TCF7L2: variants seen among roughly 807,000 people sequenced by gnomAD.
The protein encoded by TCF7L2 is transcription factor 7-like 2.
A neutral mutation model predicts 77.9 loss-of-function variants in TCF7L2; 23 were observed. That is an observed-to-expected ratio of 0.30 (90% CI 0.21 to 0.42). The LOEUF (loss-of-function observed/expected upper bound fraction) is 0.42, where lower values mean the gene tolerates loss of function less well. Ranked by LOEUF, TCF7L2 falls within the 10% of genes least tolerant of loss-of-function variation. TCF7L2 has a pLI of 1.00. For synonymous variants in TCF7L2, 413 were observed against 340.2 expected, an observed-to-expected ratio of 1.21 and a Z score of -2.36; for missense variants, 654 against 793.1, an observed-to-expected ratio of 0.82 and a Z score of 2.11.
At chr10:113,091,196 C>T (rs1214047057) in intron 5 of TCF7L2, among the ~76,000 whole-genome samples, 1 of 152,226 alleles carries the variant, frequency 6.6e-6, no homozygotes, top group Non-Finnish European at 1.5e-5. Flanking sequence ...GCCACCGTGT[C>T]TGGCCGATAA....
intron 4 of TCF7L2, among the ~76,000 whole-genome samples, chr10:112,995,288 AC>A (rs1221610169): frequency 6.6e-6 from 1 of 152,144 alleles, no homozygotes; most frequent in African/African-American, 2.4e-5. Flanking sequence ...GTTCGGCCTT[AC>A]GTTTTTTTGT....
At chr10:112,951,689 GCCCCCTCC>G in intron 3 of TCF7L2, 82 bp downstream of exon 3, 4 of 766,286 alleles carry the variant, frequency 5.2e-6, no homozygotes, top group Non-Finnish European at 6.2e-6. Context: ...CCCCTGCCCT[GCCCCCTCC>G]CCGCCTCCCC....
intron 4 of TCF7L2, among the ~76,000 whole-genome samples, chr10:113,008,578 C>T (rs1370885636): frequency 2.0e-5 from 3 of 152,220 alleles, no homozygotes; most frequent in African/African-American, 7.2e-5. Flanking sequence ...TGCATTCAAA[C>T]ATTTGATTCA....
At position 113,106,108 on chromosome 10, in the gene TCF7L2, G is replaced by A. The variant is rs1330287667; in HGVS notation, c.553-35076G>A. On this transcript the variant is annotated intron_variant, in intron 5 of 13. Transcript: ENST00000627217. ...GACACAAGAAAAGTAAAATAACTCA[G>A]GTCAGGGAAATGGACCTGAGTGCAC... 3.9e-5 allele frequency among the ~76,000 whole-genome samples: 6 copies of A among 152,252 alleles called. No individual in the cohort carries two copies. The East Asian group carries it at 5.8e-4, about 15-fold the overall frequency.
intron 13 of TCF7L2, among the ~76,000 whole-genome samples, chr10:113,163,741 A>G (rs576844265): frequency 1.3e-5 from 2 of 152,204 alleles, no homozygotes; most frequent in African/African-American, 4.8e-5. Flanking sequence ...CTGACCCAGA[A>G]GGAACAGACA....
chr10:113,129,660 C>G, intron 5 of TCF7L2: 1 of 1,187,116 alleles, frequency 8.4e-7, no homozygotes, highest in Non-Finnish European at 1.1e-6. Context: ...TGAGCCTACT[C>G]GGCCAGGAAT....
chr10:113,085,361 C>A (rs546917709), intron 5 of TCF7L2, among the ~76,000 whole-genome samples: 1 of 152,090 alleles, frequency 6.6e-6, no homozygotes, highest in African/African-American at 2.4e-5. Context: ...TAAGCCACCA[C>A]ACCCAGCCCT....
intron 5 of TCF7L2, chr10:113,125,752 G>T (rs1254440005): frequency 6.6e-6 from 1 of 152,104 alleles, no homozygotes; most frequent in Non-Finnish European, 1.5e-5. Flanking sequence ...TGAGCTGAAG[G>T]CTTTTAAAGT....
chr10:112,971,374 A>G (rs1160605531), intron 4 of TCF7L2, among the ~76,000 whole-genome samples: 1 of 152,018 alleles, frequency 6.6e-6, no homozygotes, highest in Non-Finnish European at 1.5e-5. Context: ...TCTGTTGTCC[A>G]GGCTGGAGGT....
chr10:113,165,668 C>G lies in TCF7L2; in HGVS notation c.1505C>G (p.Ser502Cys), dbSNP rs760036701. The change falls in exon 14 of 14, where the codon TCC becomes TGC. Residue 502 changes from serine to cysteine, a missense_variant. Physicochemically the swap from Ser to Cys is moderately radical, Grantham distance 112 (BLOSUM62 -1). Around this residue, in one of 6 missense-constraint regions of TCF7L2, gnomAD observed 272 missense variants for 215.4 expected, o/e 1.26. Transcript: ENST00000627217. ...CCCCCCTCCCCGAACCTGCTAGGCT[C>G]CCCTCCCCGAGACGCCAAGTCACAG... The G allele has an allele frequency of 3.1e-6, 5 of 1,610,612 alleles. No homozygotes were observed. In the South Asian group the frequency reaches 3.3e-5, roughly 11 times the overall value.
At chr10:112,953,249 T>C (rs1461060338) in intron 3 of TCF7L2, among the ~76,000 whole-genome samples, 1 of 152,004 alleles carries the variant, frequency 6.6e-6, no homozygotes, top group African/African-American at 2.4e-5. Context: ...GAAATAATTA[T>C]TCCCCCCCTG....
chr10:113,047,438 C>G (rs1054021842), intron 5 of TCF7L2, among the ~76,000 whole-genome samples: 1 of 152,164 alleles, frequency 6.6e-6, no homozygotes, highest in Non-Finnish European at 1.5e-5. Context: ...GTCAGCCTCC[C>G]CAGGTCCTCC....
At chr10:113,142,851 T>C (rs1334346518) in intron 6 of TCF7L2, among the ~76,000 whole-genome samples, 3 of 152,248 alleles carry the variant, frequency 2.0e-5, no homozygotes, top group African/African-American at 4.8e-5. Context: ...TCTGCGAACA[T>C]TCTTTCAAGT....
intron 5 of TCF7L2, among the ~76,000 whole-genome samples, chr10:113,061,224 G>T (rs548774030): frequency 6.6e-6 from 1 of 152,088 alleles, no homozygotes; most frequent in Non-Finnish European, 1.5e-5. Flanking sequence ...CTGGTTGCCA[G>T]CTGGCATGGT....
rs1257711679 is a variant in TCF7L2, at chr10:112,951,689, GCCCCCTCCCCGCCT to G, written c.381+99_381+112del. ...GGGCCCCGCATGCGGCCCCTGCCCT[GCCCCCTCCCCGCCT>G]CCCCCTCCCCGCCTCCTCCCCTCCC... On this transcript the variant is annotated intron_variant, in intron 3 of 13. Transcript: ENST00000627217. 5.9e-3 allele frequency: 4,499 copies of G among 766,236 alleles called. 28 individuals are homozygous for G. The highest frequency in any genetic ancestry group is 6.6e-3 in the Admixed American group (65 of 9,860). The allele number at this position is 766,236 out of a possible 1,614,324, so 47.5% of individuals were successfully genotyped here. A position where few individuals can be genotyped will look rare whatever the true frequency, so the allele number is the denominator to read the frequency against.
chr10:113,161,522 T>C, intron 13 of TCF7L2: 10 of 1,530,554 alleles, frequency 6.5e-6, no homozygotes, highest in Non-Finnish European at 8.8e-6. Context: ...TCTCATTTCC[T>C]TTCTTTAATG....
chr10:113,036,941 C>T (rs1333977364), intron 4 of TCF7L2, among the ~76,000 whole-genome samples: 4 of 151,986 alleles, frequency 2.6e-5, no homozygotes, highest in Admixed American at 6.6e-5. Context: ...AAACGTGGCA[C>T]AGGGTTCCAG....
At chr10:113,010,528 A>G (rs1366286474) in intron 4 of TCF7L2, among the ~76,000 whole-genome samples, 2 of 152,146 alleles carry the variant, frequency 1.3e-5, no homozygotes, top group African/African-American at 4.8e-5. Flanking sequence ...CATCATCTCA[A>G]TTCTCACACT....
intron 4 of TCF7L2, among the ~76,000 whole-genome samples, chr10:113,029,201 G>A (rs2049756449): frequency 6.6e-6 from 1 of 152,166 alleles, no homozygotes; most frequent in South Asian, 2.1e-4. Context: ...TGAATTGCCT[G>A]TGGTTTTGTT....
Sources: gnomAD v4.1 joint callset for allele counts (sites outside exome capture counted in the v4.1 genomes callset) on GRCh38, gnomAD v4.1.1 for gene constraint, gnomAD v4.1.1 regional missense constraint, MANE v1.5 for transcripts, NCBI Gene and HGNC (gene_info 2026-07-23, HGNC 2026-07-21) for gene names.